Variants in MEIS1 observed in about 807,000 individuals in gnomAD.
The protein encoded by MEIS1 is Meis homeobox 1, also known as homeobox protein Meis1.
In MEIS1, 5 loss-of-function variants were observed where a neutral mutation model predicts 50.8. The ratio of observed to expected loss-of-function variants is 0.10; its 90% CI spans 0.05 to 0.21. MEIS1 has a LOEUF of 0.21. MEIS1 is among the 10% of genes least tolerant of loss of function. The probability of loss-of-function intolerance (pLI) is 1.00; values close to 1 mark genes in which losing one functional copy is unlikely to be tolerated. For synonymous variants in MEIS1, 176 were observed against 179.3 expected (o/e 0.98, Z 0.15); for missense variants, 318 against 517.3 (o/e 0.61, Z 3.74).
At chr2:66,567,354 G>T (rs1675373406) in intron 9 of MEIS1, 99 bp from the exon 10 acceptor site, 1 of 1,299,758 alleles carries the variant, frequency 7.7e-7, no homozygotes, top group Non-Finnish European at 1.1e-6. Context: ...ATTTTGCCAA[G>T]ATCTAGTTTT....
intron 8 of MEIS1, among the ~76,000 whole-genome samples, chr2:66,527,515 C>T (rs1446697248): frequency 6.6e-6 from 1 of 151,816 alleles, no homozygotes; most frequent in African/African-American, 2.4e-5. Flanking sequence ...TCAACCAGAG[C>T]TGGGGGCCCC....
intron 6 of MEIS1, among the ~76,000 whole-genome samples, chr2:66,450,415 G>A (rs2103710686): frequency 6.6e-6 from 1 of 152,122 alleles, no homozygotes; most frequent in East Asian, 1.9e-4. Context: ...GCCAGCTTGG[G>A]CAATATAACA....
intron 8 of MEIS1, among the ~76,000 whole-genome samples, chr2:66,541,963 A>G (rs1460329625): frequency 6.6e-6 from 1 of 152,230 alleles, no homozygotes; most frequent in Non-Finnish European, 1.5e-5. Context: ...GAAAGACAAT[A>G]GGGAAGCATT....
rs4671157 is a variant in MEIS1, at chr2:66,453,111, C to T, written c.630+10063C>T. 4.2e-3 allele frequency among the ~76,000 whole-genome samples: 633 copies of T among 151,984 alleles called. 22 individuals are homozygous for T. Among genetic ancestry groups the T allele is most frequent in the Admixed American group, 0.039 (590 of 15,214 alleles). ...TGCATTGTTCTTCACTCTACTGTTG[C>T]GACATTCTAAAGGTTTGCTTGCCAT... On this transcript the variant is annotated intron_variant, in intron 6 of 12. Transcript: ENST00000272369.
chr2:66,473,204 C>T (rs1199323674), intron 7 of MEIS1, among the ~76,000 whole-genome samples: 1 of 151,126 alleles, frequency 6.6e-6, no homozygotes, highest in East Asian at 1.9e-4. Context: ...CATTGAGAAA[C>T]CCCATCTCTA....
intron 8 of MEIS1, among the ~76,000 whole-genome samples, chr2:66,538,752 T>A (rs1674577981): frequency 6.6e-6 from 1 of 152,200 alleles, no homozygotes; most frequent in Admixed American, 6.5e-5. Flanking sequence ...TAAACAAAAG[T>A]AATTGGCGAA....
chr2:66,565,039 G>C (rs139295730), intron 9 of MEIS1, among the ~76,000 whole-genome samples: 1 of 152,252 alleles, frequency 6.6e-6, no homozygotes, highest in Non-Finnish European at 1.5e-5. Context: ...TAGTTCAGCA[G>C]AGGTTACCTA....
intron 10 of MEIS1, 151 bp downstream of exon 10, chr2:66,567,662 C>T: frequency 1.4e-6 from 1 of 733,660 alleles, no homozygotes; most frequent in Non-Finnish European, 2.4e-6. Context: ...TTCATAACAA[C>T]ACTAATCAAT....
chr2:66,439,387 T>A (rs1357110933), intron 2 of MEIS1: 6 of 1,246,842 alleles, frequency 4.8e-6, no homozygotes, highest in Non-Finnish European at 5.0e-6. Flanking sequence ...GCCACCGAGA[T>A]CCCCCGAGCC....
chr2:66,548,075 C>T, intron 9 of MEIS1, 56 bp downstream of exon 9: 2 of 1,553,596 alleles, frequency 1.3e-6, no homozygotes, highest in Middle Eastern at 1.7e-4. Context: ...TGGCAACCTG[C>T]AGCTCATGTT....
intron 8 of MEIS1, among the ~76,000 whole-genome samples, chr2:66,536,955 G>A (rs1674535998): frequency 6.6e-6 from 1 of 152,100 alleles, no homozygotes; most frequent in Non-Finnish European, 1.5e-5. Context: ...TTAAAATGTG[G>A]TTTGTACCAT....
At chr2:66,528,355 A>G (rs900137326) in intron 8 of MEIS1, among the ~76,000 whole-genome samples, 5 of 152,156 alleles carry the variant, frequency 3.3e-5, no homozygotes, top group Non-Finnish European at 7.4e-5. Context: ...TCCAGCTCCA[A>G]TGCTTTATTA....
At position 66,568,726 on chromosome 2, in the gene MEIS1, G is replaced by A. The variant is rs1675412531; in HGVS notation, c.1084G>A (p.Gly362Ser). The change falls in exon 11 of 13, where the codon GGT becomes AGT. Residue 362 changes from glycine to serine, a missense_variant. By Grantham distance (56) the Gly-to-Ser change is moderately conservative (BLOSUM62 0). Around this residue, in one of 6 missense-constraint regions of MEIS1, gnomAD observed 54 missense variants for 75.0 expected, o/e 0.72. Transcript: ENST00000272369. ...GCCCATGGGAGGTTTCGTAATGGACGGTCAGCAACATATGGGAATTAGAGC... is the reference window on the plus strand; with the variant it reads ...GCCCATGGGAGGTTTCGTAATGGACAGTCAGCAACATATGGGAATTAGAGC... ...GQPMGGFVMD[G>S]QQHMGIRAPG... The A allele has an allele frequency of 1.9e-6, 3 of 1,613,696 alleles. No homozygotes were observed. Among genetic ancestry groups the A allele is most frequent in the Non-Finnish European group, 1.7e-6 (2 of 1,179,694 alleles).
intron 9 of MEIS1, among the ~76,000 whole-genome samples, chr2:66,552,743 G>C (rs1220452228): frequency 1.3e-5 from 2 of 152,116 alleles, no homozygotes; most frequent in African/African-American, 2.4e-5. Flanking sequence ...AGCTGTTAAA[G>C]GTCAAGTTTC....
At chr2:66,494,275 T>C (rs1673343904) in intron 7 of MEIS1, among the ~76,000 whole-genome samples, 2 of 152,210 alleles carry the variant, frequency 1.3e-5, no homozygotes, top group Admixed American at 6.5e-5. Context: ...AAATTCTTTG[T>C]TAAAGTTTTC....
intron 4 of MEIS1, 137 bp from the exon 5 acceptor site, chr2:66,441,273 TATTA>T: frequency 1.6e-6 from 1 of 636,620 alleles, no homozygotes; most frequent in Non-Finnish European, 2.6e-6. Flanking sequence ...CAGTTGCTGC[TATTA>T]AGTTTTAGTG....
chr2:66,471,855 T>A (rs929381938), intron 7 of MEIS1, among the ~76,000 whole-genome samples: 3 of 152,246 alleles, frequency 2.0e-5, no homozygotes, highest in African/African-American at 7.2e-5. Context: ...TTCAGTTCTT[T>A]CTTTTCAAAA....
chr2:66,520,381 T>G (rs1221943757), intron 8 of MEIS1, among the ~76,000 whole-genome samples: 1 of 144,760 alleles, frequency 6.9e-6, no homozygotes, highest in African/African-American at 2.5e-5. Context: ...CTCAGGAGGC[T>G]GAGGCAGGAG....
intron 6 of MEIS1, among the ~76,000 whole-genome samples, chr2:66,456,902 T>C (rs1010172483): frequency 6.6e-6 from 1 of 152,208 alleles, no homozygotes; most frequent in Non-Finnish European, 1.5e-5. Flanking sequence ...CAGTGCACAG[T>C]GTGGACTTAG....
Sources: allele counts gnomAD v4.1 joint callset (sites outside exome capture counted in the v4.1 genomes callset), GRCh38; gene constraint gnomAD v4.1.1; regional missense constraint gnomAD v4.1.1; transcripts MANE v1.5; gene names NCBI Gene and HGNC (gene_info 2026-07-23, HGNC 2026-07-21).